DNHD1: variants seen among roughly 807,000 people sequenced by gnomAD.
DNHD1 encodes the protein dynein heavy chain domain 1.
A neutral mutation model predicts 458.1 loss-of-function variants in DNHD1; 383 were observed. The observed-to-expected ratio is 0.84, with a 90% CI of 0.77 to 0.91. The LOEUF (loss-of-function observed/expected upper bound fraction) is 0.91. Among genes scored for constraint, DNHD1 ranks in the 40% least tolerant of loss-of-function variants. DNHD1 has a pLI of 0.00. For missense variants in DNHD1, 5,336 were observed against 5,866.1 expected (o/e 0.91, Z 2.95); for synonymous variants, 2,203 against 2,376.9 (o/e 0.93, Z 2.13).
chr11:6,568,178 T>C lies in DNHD1; in HGVS notation c.12474T>C (p.His4158=). ...ACTGGCTGGTGCTGGACAACTGTCATCTGATGCCCCATTGGCCGAAAGAGC... is the reference window on the plus strand; with the variant it reads ...ACTGGCTGGTGCTGGACAACTGTCACCTGATGCCCCATTGGCCGAAAGAGC... ...EGHWLVLDNC[H]LMPHWPKELL... Residue 4158 remains histidine, a synonymous_variant, in exon 37 of 43, where the codon CAT becomes CAC. Coordinates refer to ENST00000254579, the MANE Select transcript of DNHD1 (RefSeq NM_144666.3). 1 of 1,553,334 alleles carries C rather than the reference T, an allele frequency of 6.4e-7. No individual in the cohort carries two copies. Among genetic ancestry groups the C allele is most frequent in the Non-Finnish European group, 8.7e-7 (1 of 1,147,818 alleles).
At chr11:6,499,249 T>G (rs111672463) in intron 3 of DNHD1, among the ~76,000 whole-genome samples, 1 of 152,210 alleles carries the variant, frequency 6.6e-6, no homozygotes, top group African/African-American at 2.4e-5. Flanking sequence ...CTTTTCAGTT[T>G]CCAGGTTTTT....
At chr11:6,542,245 C>T (rs1395694709) in intron 18 of DNHD1, among the ~76,000 whole-genome samples, 1 of 152,198 alleles carries the variant, frequency 6.6e-6, no homozygotes, top group African/African-American at 2.4e-5. Flanking sequence ...TCCATTTGCC[C>T]ATCTCTGACC....
At chr11:6,566,434 C>A in intron 34 of DNHD1, 41 bp downstream of exon 34, 1 of 1,552,742 alleles carries the variant, frequency 6.4e-7, no homozygotes, top group South Asian at 1.2e-5. Context: ...GTTGTGTGGA[C>A]ACACTAGGCC....
At chr11:6,544,408 C>A (rs979981192) in intron 19 of DNHD1, among the ~76,000 whole-genome samples, 162 bp downstream of exon 19, 4 of 152,126 alleles carry the variant, frequency 2.6e-5, no homozygotes, top group Non-Finnish European at 5.9e-5. Flanking sequence ...GGTTTTTATT[C>A]ACAGTGAAAG....
intron 30 of DNHD1, 41 bp downstream of exon 30, chr11:6,563,605 A>G (rs1276609169): frequency 6.5e-7 from 1 of 1,548,444 alleles, no homozygotes; most frequent in Admixed American, 2.0e-5. Flanking sequence ...TAGGGGAGGC[A>G]TAAAGGGACA....
At chr11:6,540,244 A>G (rs943338035) in intron 18 of DNHD1, among the ~76,000 whole-genome samples, 161 bp downstream of exon 18, 2 of 152,136 alleles carry the variant, frequency 1.3e-5, no homozygotes, top group East Asian at 1.9e-4. Flanking sequence ...TCTTCCATGT[A>G]GCCCCCCTAC....
rs1460075666 is a variant in DNHD1, at chr11:6,563,233, T to C, written c.9669+102T>C. On this transcript the variant is annotated intron_variant, in intron 29 of 42. Transcript: ENST00000254579. The stretch of plus-strand genomic sequence containing the variant: ...GAGGATGGAGTGACTCATCATGGAA[T>C]CTCCTGGGGGGAGGGGACAAAGGTA... 5 of 1,533,876 alleles carry C rather than the reference T, an allele frequency of 3.3e-6. No homozygotes were observed. In the South Asian group the frequency reaches 4.8e-5, roughly 15 times the overall value.
At chr11:6,512,499 G>A (rs889259584) in intron 7 of DNHD1, among the ~76,000 whole-genome samples, 3 of 151,832 alleles carry the variant, frequency 2.0e-5, no homozygotes, top group African/African-American at 7.3e-5. Context: ...TGGGATTACA[G>A]GTGTGAACCA....
chr11:6,512,439 G>A (rs971334911), intron 7 of DNHD1, among the ~76,000 whole-genome samples: 3 of 151,536 alleles, frequency 2.0e-5, no homozygotes. Context: ...AGCCAGGATG[G>A]TCTTGATCTC....
At chr11:6,528,824 C>T (rs1450883057) in intron 11 of DNHD1, 37 bp downstream of exon 11, 2 of 1,550,044 alleles carry the variant, frequency 1.3e-6, no homozygotes, top group Admixed American at 2.0e-5. Flanking sequence ...GCGCTGCCCA[C>T]CAATTCCCAT....
Position 6,567,524 on chromosome 11 carries a change from C to G in DNHD1, c.12015C>G (p.Ser4005=). 2 of 1,613,484 alleles carry G rather than the reference C, an allele frequency of 1.2e-6. No individual in the cohort carries two copies. Among genetic ancestry groups the G allele is most frequent in the Non-Finnish European group, 1.7e-6 (2 of 1,179,690 alleles). The change falls in exon 36 of 43, where the codon TCC becomes TCG. Residue 4005 remains serine (S), a synonymous_variant. Coordinates refer to ENST00000254579, the MANE Select transcript of DNHD1 (RefSeq NM_144666.3). The stretch of plus-strand genomic sequence containing the variant: ...CCCCATTTGTTGGCCTGTGTGCCTC[C>G]CTGGCAGGCCACTCCAGTGCTTGGC... The part of the protein sequence containing the change: ...LLPPFVGLCA[S]LAGHSSAWQA...
Position 6,533,939 on chromosome 11 carries a change from G to A in DNHD1, c.2764G>A (p.Ala922Thr), listed in dbSNP as rs2134413328. 1 of 1,551,314 alleles carries A rather than the reference G, an allele frequency of 6.4e-7. No homozygotes were observed. Among genetic ancestry groups the A allele is most frequent in the Non-Finnish European group, 8.7e-7 (1 of 1,146,910 alleles). ...WEAFQFEKSQ[A>T]SEFLLSKRHA... ...GGCATTTCAGTTTGAGAAAAGCCAG[G>A]CTTCAGAGTTCCTGCTCAGCAAGCG... is the stretch of plus-strand genomic sequence containing the variant. The change falls in exon 14 of 43, where the codon GCT (alanine) becomes ACT (threonine). Residue 922 changes from alanine (A) to threonine (T), a missense_variant. Transcript: ENST00000254579.
At position 6,546,274 on chromosome 11, in the gene DNHD1, C is replaced by T; in HGVS notation, c.5335C>T (p.Pro1779Ser). 1.9e-6 allele frequency: 3 copies of T among 1,552,362 alleles called. No individual in the cohort carries two copies. Among genetic ancestry groups the T allele is most frequent in the Non-Finnish European group, 1.7e-6 (2 of 1,147,144 alleles). The change falls in exon 21 of 43, where the codon CCC becomes TCC. Residue 1779 changes from proline to serine, a missense_variant. Around this residue, in one of 4 missense-constraint regions of DNHD1, gnomAD observed 3,932 missense variants for 4,365.6 expected, o/e 0.90. Transcript: ENST00000254579. The stretch of plus-strand genomic sequence containing the variant: ...TTCCCGAAACACAAGCACCATAGAC[C>T]CCACCCAGCCCCAGCTCCTTGGCAG... Reference protein sequence around the residue: ...EASRNTSTIDPTQPQLLGSSF... With the variant: ...EASRNTSTIDSTQPQLLGSSF...
At position 6,556,754 on chromosome 11, in the gene DNHD1, A is replaced by G; in HGVS notation, c.7459A>G (p.Ser2487Gly). The change falls in exon 25 of 43, where the codon AGC becomes GGC. Residue 2487 changes from serine (S) to glycine (G), a missense_variant. Transcript: ENST00000254579. The part of the protein sequence containing the change: ...QAMDGTVYAH[S>G]TLELQTLQPT... ...CATGGATGGCACTGTGTATGCCCAC[A>G]GCACCTTGGAACTGCAGACGCTGCA... The G allele has an allele frequency of 1.3e-6, 2 of 1,551,648 alleles. No individual in the cohort carries two copies. Among genetic ancestry groups the G allele is most frequent in the Non-Finnish European group, 1.7e-6 (2 of 1,146,926 alleles).
At chr11:6,500,250 G>A (rs1420545242) in intron 3 of DNHD1, among the ~76,000 whole-genome samples, 1 of 152,222 alleles carries the variant, frequency 6.6e-6, no homozygotes, top group Non-Finnish European at 1.5e-5. Flanking sequence ...ACAGGCATAA[G>A]CCACCGTGCC....
rs375678574 is a variant in DNHD1, at chr11:6,538,460, C to T, written c.3076C>T (p.Arg1026Ter). Residue 1026 changes from arginine to a stop codon, truncating the protein, a stop_gained, in exon 15 of 43, where the codon CGA becomes TGA. Transcript: ENST00000254579. LOFTEE classifies it high-confidence loss of function. ...VQQQRIWHLY[R>*]VISENISEWK... Reference sequence around the variant, plus strand: ...GCAGCAGCGCATATGGCACCTGTACCGAGTCATCTCCGAAAACATCAGCGA... The same window carrying T: ...GCAGCAGCGCATATGGCACCTGTACTGAGTCATCTCCGAAAACATCAGCGA... 17 of 1,551,646 alleles carry T rather than the reference C, an allele frequency of 1.1e-5. No homozygotes were observed. The East Asian group carries it at 1.5e-4, about 13-fold the overall frequency.
intron 26 of DNHD1, 66 bp downstream of exon 26, chr11:6,558,759 G>A: frequency 6.6e-7 from 1 of 1,522,556 alleles, no homozygotes; most frequent in African/African-American, 1.4e-5. Flanking sequence ...TATTACCTAG[G>A]TCAGTCTCTC....
chr11:6,531,660 A>G (rs2134410468), intron 12 of DNHD1, among the ~76,000 whole-genome samples: 1 of 152,246 alleles, frequency 6.6e-6, no homozygotes, highest in Non-Finnish European at 1.5e-5. Context: ...TTGTCCCTCA[A>G]TAGGCTTCCT....
chr11:6,559,913 C>T (rs1031328388), intron 28 of DNHD1, among the ~76,000 whole-genome samples: 11 of 152,110 alleles, frequency 7.2e-5, no homozygotes, highest in East Asian at 5.8e-4. Context: ...GTTTTTGAGC[C>T]GTCCCATTTT....
Sources: allele counts gnomAD v4.1 joint callset (sites outside exome capture counted in the v4.1 genomes callset), GRCh38; gene constraint gnomAD v4.1.1; regional missense constraint gnomAD v4.1.1; transcripts MANE v1.5; gene names NCBI Gene and HGNC (gene_info 2026-07-23, HGNC 2026-07-21).